NDE1: variants seen among roughly 807,000 people sequenced by gnomAD.
The protein encoded by NDE1 is nudE neurodevelopment protein 1, also known as nuclear distribution protein nudE homolog 1.
NDE1 carries 28 observed loss-of-function variants against 43.4 expected under a neutral mutation model. The observed-to-expected ratio is 0.65, with a 90% CI of 0.48 to 0.89. NDE1 has a LOEUF of 0.89. Among genes scored for constraint, NDE1 ranks in the 40% least tolerant of loss-of-function variants. NDE1 has a pLI of 0.00. For missense variants in NDE1, 441 were observed against 434.1 expected, an observed-to-expected ratio of 1.02 and a Z score of -0.14; for synonymous variants, 184 against 172.0, an observed-to-expected ratio of 1.07 and a Z score of -0.55.
chr16:15,675,991 A>C (rs1347604177), intron 3 of NDE1, among the ~76,000 whole-genome samples: 1 of 152,066 alleles, frequency 6.6e-6, no homozygotes, highest in Non-Finnish European at 1.5e-5. Flanking sequence ...CTTAGCCTGG[A>C]GGTGGCACAG....
chr16:15,708,749 G>C, intron 8 of NDE1: 1 of 1,559,832 alleles, frequency 6.4e-7, no homozygotes, highest in Non-Finnish European at 8.6e-7. Context: ...GCATTGGGCA[G>C]AAAAGAAATG....
intron 8 of NDE1, chr16:15,699,468 T>A: frequency 1.0e-6 from 1 of 1,004,026 alleles, no homozygotes; most frequent in South Asian, 2.1e-5. Context: ...CTCACTATGT[T>A]GCGTAGGCTG....
upstream of NDE1, among the ~76,000 whole-genome samples, chr16:15,646,328 G>A (rs1480911100): frequency 1.3e-5 from 2 of 152,194 alleles, no homozygotes; most frequent in Admixed American, 6.5e-5. Flanking sequence ...TGTAATCCCA[G>A]CACTTTGGGA....
chr16:15,667,263 G>T (rs773287873), intron 2 of NDE1, 23 bp from the exon 3 acceptor site: 3 of 1,613,648 alleles, frequency 1.9e-6, no homozygotes. Context: ...ATTACTACGT[G>T]ATGATTAACA....
At chr16:15,695,703 T>TTAA (rs1567659047) in intron 7 of NDE1, 53 of 985,200 alleles carry the variant, frequency 5.4e-5, no homozygotes, top group Non-Finnish European at 6.4e-5. Context: ...TAGCTACAAC[T>TTAA]TAATAGAAGC....
chr16:15,721,939 C>A (rs564138733), intron 8 of NDE1, among the ~76,000 whole-genome samples: 11 of 152,242 alleles, frequency 7.2e-5, no homozygotes, highest in Non-Finnish European at 1.5e-4. Context: ...TTCACTGCAA[C>A]CTCCGCCTCG....
chr16:15,675,512 C>T (rs1487238461), intron 3 of NDE1, among the ~76,000 whole-genome samples: 3 of 151,126 alleles, frequency 2.0e-5, no homozygotes, highest in Non-Finnish European at 4.4e-5. Context: ...TCATAGCTCA[C>T]TGCAGCCTCA....
At chr16:15,713,532 G>C (rs1449006380) in intron 8 of NDE1, 1 of 152,346 alleles carries the variant, frequency 6.6e-6, no homozygotes, top group East Asian at 1.9e-4. Flanking sequence ...GTCTCACTCT[G>C]TCCATCCAGG....
chr16:15,673,656 C>T (rs961645960), intron 3 of NDE1, among the ~76,000 whole-genome samples: 1 of 151,878 alleles, frequency 6.6e-6, no homozygotes, highest in Non-Finnish European at 1.5e-5. Flanking sequence ...CCTCAGCCTC[C>T]CCCATAGCTA....
In NDE1 at chr16:15,655,647, A is replaced by G. The variant is rs374699899; in HGVS notation, c.-44+5353A>G. 1.2e-4 allele frequency among the ~76,000 whole-genome samples: 19 copies of G among 152,292 alleles called. No individual in the cohort carries two copies. The East Asian group carries it at 1.9e-3, about 15-fold the overall frequency. ...TTACTGGGTATATACCCAAAGGACT[A>G]TAAATCATGCTTCTATAAAGACACA... On this transcript the variant is annotated intron_variant, in intron 1 of 8. Transcript: ENST00000396354.
intron 8 of NDE1, among the ~76,000 whole-genome samples, chr16:15,711,771 T>G (rs867448299): frequency 3.3e-5 from 5 of 152,088 alleles, no homozygotes; most frequent in African/African-American, 1.2e-4. Context: ...CAGCTCACTG[T>G]AACCTGTGTC....
intron 6 of NDE1, among the ~76,000 whole-genome samples, chr16:15,693,563 G>A (rs964842569): frequency 6.6e-6 from 1 of 152,116 alleles, no homozygotes; most frequent in Admixed American, 6.6e-5. Context: ...CCCTTTGGGC[G>A]GCCAAGGTGG....
chr16:15,713,505 G>T, intron 8 of NDE1: 1 of 152,330 alleles, frequency 6.6e-6, no homozygotes. Flanking sequence ...AGTGGGTTTT[G>T]GGTTTTTTGA....
At chr16:15,719,445 G>A in intron 8 of NDE1, 1 of 1,481,018 alleles carries the variant, frequency 6.8e-7, no homozygotes, top group South Asian at 1.1e-5. Flanking sequence ...AATACATAGA[G>A]GAGGGAAGCG....
chr16:15,714,146 A>C (rs556075115), intron 8 of NDE1: 2 of 152,836 alleles, frequency 1.3e-5, no homozygotes, highest in Non-Finnish European at 1.5e-5. Context: ...GCCCGGAGCT[A>C]AAACCTCCTG....
chr16:15,683,736 C>T (rs915776684), intron 4 of NDE1, among the ~76,000 whole-genome samples: 2 of 152,150 alleles, frequency 1.3e-5, no homozygotes, highest in Non-Finnish European at 2.9e-5. Context: ...AAAGTAAATA[C>T]GCTAGGTGAG....
At chr16:15,693,946 A>G (rs949468086) in intron 6 of NDE1, among the ~76,000 whole-genome samples, 6 of 152,202 alleles carry the variant, frequency 3.9e-5, no homozygotes, top group Non-Finnish European at 8.8e-5. Flanking sequence ...ATGTAAAAAT[A>G]AGTATTTGTT....
intron 8 of NDE1, among the ~76,000 whole-genome samples, chr16:15,704,787 G>A (rs1178718858): frequency 1.3e-5 from 2 of 152,208 alleles, no homozygotes; most frequent in South Asian, 2.1e-4. Flanking sequence ...CGCACATGGC[G>A]TAAAACAGGT....
At chr16:15,678,963 C>G (rs944024889) in intron 4 of NDE1, among the ~76,000 whole-genome samples, 1 of 151,924 alleles carries the variant, frequency 6.6e-6, no homozygotes, top group African/African-American at 2.4e-5. Context: ...GTAGTCCCAG[C>G]TAGTCGGGAG....
Sources: gnomAD v4.1 joint callset for allele counts (sites outside exome capture counted in the v4.1 genomes callset) on GRCh38, gnomAD v4.1.1 for gene constraint, MANE v1.5 for transcripts, NCBI Gene and HGNC (gene_info 2026-07-23, HGNC 2026-07-21) for gene names.